The following MSN variants were observed in gnomAD, a reference collection of about 807,000 sequenced individuals.
MSN encodes moesin.
A neutral mutation model predicts 48.0 loss-of-function variants in MSN; 2 were observed. That is an observed-to-expected ratio of 0.04 (90% confidence interval 0.02 to 0.13). MSN has a LOEUF of 0.13. Ranked by LOEUF, MSN falls within the 10% of genes least tolerant of loss-of-function variation. The pLI is 1.00. For missense variants in MSN, 267 were observed against 470.1 expected (o/e 0.57, Z 3.99); for synonymous variants, 146 against 166.9 (o/e 0.87, Z 0.97).
At chrX:65,636,028 A>C (rs907442357) in intron 1 of MSN, among the ~76,000 whole-genome samples, 2 of 112,013 alleles carry the variant, frequency 1.8e-5, no homozygotes, top group African/African-American at 6.5e-5. Context: ...AGAATCTCTT[A>C]AATCCATTTC....
intron 1 of MSN, among the ~76,000 whole-genome samples, chrX:65,619,264 G>T (rs2070409258): frequency 9.7e-6 from 1 of 102,889 alleles, no homozygotes; most frequent in Non-Finnish European, 1.9e-5. Flanking sequence ...TGCCTTGCTA[G>T]ATTGGGGAAG....
chrX:65,615,158 C>T (rs1189393424), intron 1 of MSN, among the ~76,000 whole-genome samples: 8 of 110,228 alleles, frequency 7.3e-5, no homozygotes, highest in African/African-American at 2.7e-4. Context: ...AATGCTACAA[C>T]AAACATACGT....
At chrX:65,611,411 C>A (rs963250506) in intron 1 of MSN, among the ~76,000 whole-genome samples, 23 of 111,245 alleles carry the variant, frequency 2.1e-4, no homozygotes, top group African/African-American at 7.5e-4. Flanking sequence ...CCACCCACCT[C>A]GGCCTCCCAA....
intron 1 of MSN, among the ~76,000 whole-genome samples, chrX:65,597,283 C>T (rs914127376): frequency 9.2e-6 from 1 of 108,919 alleles, no homozygotes; most frequent in African/African-American, 3.4e-5. Context: ...TCCAGGACTC[C>T]AGTGATCCTC....
chrX:65,729,306 C>T (rs749874231), intron 3 of MSN, 132 bp from the exon 4 acceptor site: 2 of 652,110 alleles, frequency 3.1e-6, no homozygotes, highest in South Asian at 3.1e-5. Flanking sequence ...TCTTAATTAC[C>T]AGGGGAGTTG....
At chrX:65,727,753 C>T (rs2071581849) in intron 2 of MSN, 61 bp from the exon 3 acceptor site, 3 of 981,424 alleles carry the variant, frequency 3.1e-6, no homozygotes, top group Non-Finnish European at 4.3e-6. Context: ...TTTGTGTCCT[C>T]TGTGCCTCAC....
Position 65,668,027 on chromosome X carries a change from G to A in MSN, c.12+174G>A, listed in dbSNP as rs184579069. On this transcript the variant is annotated intron_variant, in intron 1 of 12. Coordinates refer to ENST00000360270, the MANE Select transcript of MSN (RefSeq NM_002444.3). ...GGGATCCTGGTCTGGTGCGCCCTCAGGGGTTGAGGGGGTGTCCAGGCTGGA... is the reference window on the plus strand; with the variant it reads ...GGGATCCTGGTCTGGTGCGCCCTCAAGGGTTGAGGGGGTGTCCAGGCTGGA... 1.1e-3 allele frequency among the ~76,000 whole-genome samples: 128 copies of A among 112,453 alleles called. No homozygotes were observed. In the Middle Eastern group the frequency reaches 0.023, roughly 20 times the overall value.
intron 2 of MSN, among the ~76,000 whole-genome samples, chrX:65,717,513 G>A (rs2071478219): frequency 8.9e-6 from 1 of 112,437 alleles, no homozygotes; most frequent in Non-Finnish European, 1.9e-5. Flanking sequence ...ACTCGCCATA[G>A]TGAAGAGGTC....
intron 2 of MSN, among the ~76,000 whole-genome samples, chrX:65,719,214 G>A (rs1569466481): frequency 8.9e-6 from 1 of 112,010 alleles, no homozygotes; most frequent in Non-Finnish European, 1.9e-5. Context: ...TGGATAGAAA[G>A]TCATGAATCT....
Position 65,717,741 on chromosome X carries a change from A to G in MSN, c.96+840A>G, listed in dbSNP as rs765793493. On this transcript the variant is annotated intron_variant, in intron 2 of 12. Coordinates refer to ENST00000360270, the MANE Select transcript of MSN (RefSeq NM_002444.3). Reference sequence around the variant, plus strand: ...GGCCATTATCCTATTTCTCCACCAGACTCCGATGAAGTGGAGGTCTGAGTT... The same window carrying G: ...GGCCATTATCCTATTTCTCCACCAGGCTCCGATGAAGTGGAGGTCTGAGTT... 2.7e-5 allele frequency among the ~76,000 whole-genome samples: 3 copies of G among 110,860 alleles called. No homozygotes were observed. In the East Asian group the frequency reaches 8.5e-4, roughly 31 times the overall value.
chrX:65,714,859 C>A (rs186609626), intron 1 of MSN, among the ~76,000 whole-genome samples: 3 of 111,517 alleles, frequency 2.7e-5, no homozygotes, highest in Non-Finnish European at 5.6e-5. Flanking sequence ...TTGCTTTTGG[C>A]GTCTTTGTTA....
chrX:65,648,426 G>A (rs931493940), intron 1 of MSN, among the ~76,000 whole-genome samples: 5 of 111,539 alleles, frequency 4.5e-5, no homozygotes, highest in Admixed American at 9.5e-5. Context: ...GGTCGTGGGC[G>A]CCTGTGATCT....
chrX:65,725,890 A>G (rs1054737801), intron 2 of MSN, among the ~76,000 whole-genome samples: 2 of 112,483 alleles, frequency 1.8e-5, no homozygotes, highest in African/African-American at 6.5e-5. Context: ...AATTAGTACA[A>G]TGATAGAACT....
At chrX:65,695,180 G>C (rs1320881096) in intron 1 of MSN, among the ~76,000 whole-genome samples, 1 of 109,946 alleles carries the variant, frequency 9.1e-6, no homozygotes, top group Admixed American at 9.7e-5. Flanking sequence ...CTATCTGTAG[G>C]TAGGCAGGTT....
intron 1 of MSN, among the ~76,000 whole-genome samples, chrX:65,714,192 T>A (rs2071440367): frequency 8.9e-6 from 1 of 112,212 alleles, no homozygotes; most frequent in African/African-American, 3.2e-5. Context: ...CATACTAACA[T>A]ACATTTTCTT....
At chrX:65,607,985 T>C (rs1197252245) in intron 1 of MSN, among the ~76,000 whole-genome samples, 1 of 111,980 alleles carries the variant, frequency 8.9e-6, no homozygotes, top group Non-Finnish European at 1.9e-5. Context: ...CAAGGAAATG[T>C]ATTCAACACT....
intron 2 of MSN, among the ~76,000 whole-genome samples, chrX:65,725,304 G>T (rs905570087): frequency 4.5e-5 from 5 of 111,936 alleles, no homozygotes; most frequent in South Asian, 7.4e-4. Flanking sequence ...CCATAGCACT[G>T]CTCTACTACT....
At chrX:65,660,032 G>A (rs2070810122) in intron 1 of MSN, among the ~76,000 whole-genome samples, 1 of 111,208 alleles carries the variant, frequency 9.0e-6, no homozygotes, top group African/African-American at 3.3e-5. Flanking sequence ...AAGGAGGTAG[G>A]AAACAAAGCT....
intron 1 of MSN, among the ~76,000 whole-genome samples, chrX:65,677,253 C>T (rs183866831): frequency 9.2e-4 from 103 of 111,715 alleles, no homozygotes; most frequent in Middle Eastern, 4.6e-3. Context: ...GGGTGAGGGT[C>T]AAGGTAACAG....
Sources: allele counts gnomAD v4.1 joint callset (sites outside exome capture counted in the v4.1 genomes callset), GRCh38; gene constraint gnomAD v4.1.1; transcripts MANE v1.5; gene names NCBI Gene and HGNC (gene_info 2026-07-23, HGNC 2026-07-21).